Variants in MEGF9 observed in about 807,000 individuals in gnomAD.
MEGF9 encodes the protein multiple EGF like domains 9, also known as multiple epidermal growth factor-like domains protein 9.
Under a neutral mutation model 46.8 loss-of-function variants are expected in MEGF9, and 6 were observed. That is an observed-to-expected ratio of 0.13 (90% CI 0.07 to 0.25). The LOEUF is 0.25. MEGF9 is among the 10% of genes least tolerant of loss of function. The probability of loss-of-function intolerance (pLI) is 1.00; values close to 1 mark genes in which losing one functional copy is unlikely to be tolerated. For missense variants in MEGF9, 683 were observed against 792.4 expected (o/e 0.86, Z 1.66); for synonymous variants, 302 against 330.7 (o/e 0.91, Z 0.94).
At chr9:120,664,884 T>A (rs1483280395) in intron 1 of MEGF9, among the ~76,000 whole-genome samples, 1 of 152,212 alleles carries the variant, frequency 6.6e-6, no homozygotes, top group African/African-American at 2.4e-5. Flanking sequence ...ACTCTTATTG[T>A]TAGTTGATGC....
chr9:120,703,211 T>A (rs957235894), intron 1 of MEGF9, among the ~76,000 whole-genome samples: 1 of 152,238 alleles, frequency 6.6e-6, no homozygotes, highest in Admixed American at 6.5e-5. Context: ...AAGAAAGGCA[T>A]GATTACATTA....
In MEGF9 at chr9:120,714,395, C is replaced by T; in HGVS notation, c.-37G>A. ...GTCGGTTGGTCAGTCATCTTCTCCT[C>T]GTTGCAATCCGACCAAGGAAGCCTC... is the stretch of plus-strand genomic sequence containing the variant. On this transcript the variant is annotated 5_prime_UTR_variant, in exon 1 of 6. Transcript: ENST00000373930. 1 of 1,263,008 alleles carries T rather than the reference C, an allele frequency of 7.9e-7. No individual in the cohort carries two copies. The highest frequency in any genetic ancestry group is 1.0e-6 in the Non-Finnish European group (1 of 1,002,492). The allele number at this position is 1,263,008 out of a possible 1,614,324, so 78.2% of individuals were successfully genotyped here. A position where few individuals can be genotyped will look rare whatever the true frequency, so the allele number is the denominator to read the frequency against.
intron 3 of MEGF9, among the ~76,000 whole-genome samples, chr9:120,619,836 A>G (rs1378324786): frequency 6.6e-6 from 1 of 152,240 alleles, no homozygotes; most frequent in African/African-American, 2.4e-5. Flanking sequence ...ACAAAAAAAG[A>G]GTACTTTGAA....
intron 2 of MEGF9, among the ~76,000 whole-genome samples, chr9:120,654,134 A>G (rs1028161222): frequency 2.6e-5 from 4 of 152,192 alleles, no homozygotes; most frequent in African/African-American, 9.7e-5. Context: ...ACAGAAAACA[A>G]CCATTACCTG....
chr9:120,634,821 T>C (rs1452675509), intron 2 of MEGF9, among the ~76,000 whole-genome samples: 1 of 152,242 alleles, frequency 6.6e-6, no homozygotes, highest in Non-Finnish European at 1.5e-5. Flanking sequence ...TCTGCCTTTA[T>C]TGTTTATCAT....
chr9:120,611,865 A>AAGAAAGAG (rs2043448253), intron 4 of MEGF9, among the ~76,000 whole-genome samples: 1 of 137,154 alleles, frequency 7.3e-6, no homozygotes, highest in African/African-American at 3.0e-5. Flanking sequence ...GGAAGGAAGA[A>AAGAAAGAG]AGAGAGAGAG....
At position 120,614,489 on chromosome 9, in the gene MEGF9, A is replaced by C. The variant is rs190212462; in HGVS notation, c.944-1950T>G. Among the ~76,000 whole-genome samples the C allele has an allele frequency of 1.5e-3, 221 of 152,326 alleles. 1 individual carries two copies. The highest frequency in any genetic ancestry group is 5.1e-3 in the African/African-American group (211 of 41,568). The stretch of plus-strand genomic sequence containing the variant: ...CCACATAACAAAGTAGTATATATTC[A>C]TGCTGTGGTAGACACTTTAGGTACT... On this transcript the variant is annotated intron_variant, in intron 3 of 5. Coordinates refer to ENST00000373930, the MANE Select transcript of MEGF9 (RefSeq NM_001080497.3).
At chr9:120,664,099 C>T (rs1403218396) in intron 1 of MEGF9, among the ~76,000 whole-genome samples, 1 of 152,012 alleles carries the variant, frequency 6.6e-6, no homozygotes, top group African/African-American at 2.4e-5. Flanking sequence ...CCATAAGTTC[C>T]CCTGCCACCT....
chr9:120,659,147 T>C (rs1333985656), intron 2 of MEGF9, among the ~76,000 whole-genome samples: 1 of 152,204 alleles, frequency 6.6e-6, no homozygotes, highest in Non-Finnish European at 1.5e-5. Context: ...CAGAGAAAAA[T>C]TGGCGACTCT....
chr9:120,695,143 A>G (rs1046591224), intron 1 of MEGF9, among the ~76,000 whole-genome samples: 12 of 152,112 alleles, frequency 7.9e-5, no homozygotes, highest in Admixed American at 7.2e-4. Context: ...TTATGCACCA[A>G]TGCTGTTCAA....
At chr9:120,690,876 C>T (rs1454116537) in intron 1 of MEGF9, among the ~76,000 whole-genome samples, 3 of 151,752 alleles carry the variant, frequency 2.0e-5, no homozygotes, top group South Asian at 2.1e-4. Context: ...AATAAAAATG[C>T]CCTTGTTATA....
intron 3 of MEGF9, among the ~76,000 whole-genome samples, chr9:120,618,951 A>G (rs1020615399): frequency 3.3e-5 from 5 of 151,982 alleles, no homozygotes; most frequent in African/African-American, 4.8e-5. Flanking sequence ...CCTCATTTAC[A>G]GGGGTTTGGC....
At chr9:120,673,870 T>C (rs1238752611) in intron 1 of MEGF9, among the ~76,000 whole-genome samples, 2 of 149,690 alleles carry the variant, frequency 1.3e-5, no homozygotes, top group Non-Finnish European at 2.9e-5. Context: ...CTGGGGAGGC[T>C]GAGACGGGAG....
At chr9:120,615,833 G>A (rs1344030889) in intron 3 of MEGF9, among the ~76,000 whole-genome samples, 1 of 152,062 alleles carries the variant, frequency 6.6e-6, no homozygotes, top group Non-Finnish European at 1.5e-5. Flanking sequence ...GGTTGAGGCT[G>A]TAGTGAGCTA....
At chr9:120,701,089 AG>A (rs1470234985) in intron 1 of MEGF9, among the ~76,000 whole-genome samples, 2 of 151,520 alleles carry the variant, frequency 1.3e-5, no homozygotes, top group African/African-American at 2.4e-5. Flanking sequence ...ACTGCACTCC[AG>A]GCTGGGTGAC....
At position 120,659,337 on chromosome 9, in the gene MEGF9, A is replaced by G. The variant is rs1423662768; in HGVS notation, c.803+37T>C. 3 of 1,581,410 alleles carry G rather than the reference A, an allele frequency of 1.9e-6. No individual in the cohort carries two copies. The Admixed American group carries it at 5.4e-5, about 28-fold the overall frequency. ...GCAGCCTTTTTTTTCCCCTTGCTAA[A>G]ATAAAATAAACTTCAGTTCCACCCT... On this transcript the variant is annotated intron_variant, in intron 2 of 5. Transcript: ENST00000373930.
intron 2 of MEGF9, among the ~76,000 whole-genome samples, chr9:120,634,976 C>T (rs1206902816): frequency 6.6e-6 from 1 of 152,120 alleles, no homozygotes; most frequent in Non-Finnish European, 1.5e-5. Flanking sequence ...GTAGGACTCC[C>T]TTGAGCATTT....
chr9:120,679,937 CAA>C (rs34290703), intron 1 of MEGF9, among the ~76,000 whole-genome samples: 32 of 118,612 alleles, frequency 2.7e-4, no homozygotes, highest in African/African-American at 9.3e-4. Flanking sequence ...GACTCCGTCT[CAA>C]AAAAAAAAAA....
chr9:120,631,778 C>G (rs567786104), intron 2 of MEGF9, among the ~76,000 whole-genome samples: 1 of 152,290 alleles, frequency 6.6e-6, no homozygotes, highest in South Asian at 2.1e-4. Flanking sequence ...AGCCACTGTG[C>G]CCGGCCCTGT....
Sources: allele counts gnomAD v4.1 joint callset (sites outside exome capture counted in the v4.1 genomes callset), GRCh38; gene constraint gnomAD v4.1.1; transcripts MANE v1.5; gene names NCBI Gene and HGNC (gene_info 2026-07-23, HGNC 2026-07-21).